Variants in RBFOX1 observed in about 807,000 individuals in gnomAD.
RBFOX1 encodes RNA binding protein fox-1 homolog 1.
A neutral mutation model predicts 57.7 loss-of-function variants in RBFOX1; 8 were observed. The ratio of observed to expected loss-of-function variants is 0.14; its 90% CI spans 0.08 to 0.25. The LOEUF is 0.25. RBFOX1 is among the 10% of genes least tolerant of loss of function. RBFOX1 has a pLI of 1.00. For missense variants in RBFOX1, 611 were observed against 548.5 expected, an observed-to-expected ratio of 1.11 and a Z score of -1.14; for synonymous variants, 326 against 222.4, an observed-to-expected ratio of 1.47 and a Z score of -4.15.
chr16:6,705,993 G>C (rs928346120), intron 3 of RBFOX1, among the ~76,000 whole-genome samples: 1 of 152,148 alleles, frequency 6.6e-6, no homozygotes, highest in Admixed American at 6.6e-5. Flanking sequence ...ACTCCAGCCT[G>C]GGTGAAAGAG....
In RBFOX1 at chr16:6,483,711, G is replaced by C. The variant is rs1316834337; in HGVS notation, c.-64+166654G>C. ...GGACGGGGGCGGGCGACAGGGGGAG[G>C]AGTGTGCAAATTGACATTTTTGGCT... On this transcript the variant is annotated intron_variant, in intron 2 of 15. Transcript: ENST00000550418. 1.1e-5 allele frequency: 15 copies of C among 1,427,632 alleles called. No individual in the cohort carries two copies. In the South Asian group the frequency reaches 1.9e-4, roughly 18 times the overall value. 88.4% of individuals were successfully genotyped at this position (1,427,632 alleles called of 1,614,324 possible). A position where few individuals can be genotyped will look rare whatever the true frequency, so the allele number is the denominator to read the frequency against.
chr16:6,293,458 TGA>T lies in RBFOX1; in HGVS notation c.-126-23536_-126-23535del, dbSNP rs1303261655. 7.8e-4 allele frequency among the ~76,000 whole-genome samples: 6 copies of T among 7,656 alleles called. No individual in the cohort carries two copies. The East Asian group carries it at 0.31, about 399-fold the overall frequency. The allele number at this position is 7,656 out of a possible 152,430, so 5.0% of individuals were successfully genotyped here. On this transcript the variant is annotated intron_variant, in intron 1 of 15. Coordinates refer to ENST00000550418, the MANE Select transcript of RBFOX1 (RefSeq NM_018723.4). ...TGTTTTGAATATTTGTTATTCATTA[TGA>T]TGAGATGAATGCATAGCCTGTCTGC...
intron 1 of RBFOX1, among the ~76,000 whole-genome samples, chr16:6,063,202 G>T (rs1341229536): frequency 2.0e-5 from 3 of 151,936 alleles, no homozygotes; most frequent in Non-Finnish European, 4.4e-5. Context: ...TGATCACTTT[G>T]GAGCAGCAAG....
intron 2 of RBFOX1, among the ~76,000 whole-genome samples, chr16:6,467,933 T>G (rs1409124252): frequency 6.6e-6 from 1 of 152,238 alleles, no homozygotes; most frequent in Non-Finnish European, 1.5e-5. Context: ...AAAGGGTTAA[T>G]GGGAAAATCC....
At chr16:6,835,649 G>C (rs1411137289) in intron 3 of RBFOX1, among the ~76,000 whole-genome samples, 3 of 150,108 alleles carry the variant, frequency 2.0e-5, no homozygotes, top group Admixed American at 6.7e-5. Context: ...GCTACTGGGA[G>C]AGGCTGAGGC....
At chr16:6,405,366 C>T (rs1302775999) in intron 2 of RBFOX1, among the ~76,000 whole-genome samples, 1 of 152,134 alleles carries the variant, frequency 6.6e-6, no homozygotes, top group Admixed American at 6.5e-5. Context: ...CTTCATAAAA[C>T]AAAGCTTTCA....
At chr16:5,660,670 A>G (rs988686529) in intron 3 of RBFOX1, among the ~76,000 whole-genome samples, 1 of 152,012 alleles carries the variant, frequency 6.6e-6, no homozygotes, top group Non-Finnish European at 1.5e-5. Context: ...TATTTTCCAT[A>G]GAGATAAAGT....
chr16:5,897,929 C>T (rs1290352750), intron 4 of RBFOX1, among the ~76,000 whole-genome samples: 4 of 150,370 alleles, frequency 2.7e-5, no homozygotes, highest in African/African-American at 4.9e-5. Flanking sequence ...CCCTGGAAAA[C>T]CAAGAGTTTA....
chr16:6,066,948 G>C (rs972371927), intron 1 of RBFOX1, among the ~76,000 whole-genome samples: 1 of 152,050 alleles, frequency 6.6e-6, no homozygotes, highest in Non-Finnish European at 1.5e-5. Context: ...CTCAGCCTTG[G>C]TCTCCCAGAG....
intron 4 of RBFOX1, among the ~76,000 whole-genome samples, chr16:7,127,426 A>G (rs538662471): frequency 3.8e-4 from 58 of 152,198 alleles, no homozygotes; most frequent in Non-Finnish European, 7.9e-4. Flanking sequence ...TATTATCCCC[A>G]TCTTATATAT....
chr16:6,294,620 T>C (rs1018667798), intron 1 of RBFOX1, among the ~76,000 whole-genome samples: 3 of 152,206 alleles, frequency 2.0e-5, no homozygotes, highest in African/African-American at 7.2e-5. Flanking sequence ...CTGAGCCCTC[T>C]GTGAGATCCT....
At chr16:7,706,759 G>A (rs971357843) in intron 14 of RBFOX1, among the ~76,000 whole-genome samples, 7 of 151,966 alleles carry the variant, frequency 4.6e-5, no homozygotes, top group African/African-American at 9.7e-5. Context: ...ATTTTTCTCT[G>A]GACCAATCAA....
intron 3 of RBFOX1, among the ~76,000 whole-genome samples, chr16:6,811,052 C>T (rs34906775): frequency 0.031 from 4,723 of 152,190 alleles, 148 homozygotes; most frequent in South Asian, 0.15. Flanking sequence ...TGATAAGATA[C>T]CCCGAAAAAC....
At chr16:7,461,295 G>C (rs1442531826) in intron 4 of RBFOX1, among the ~76,000 whole-genome samples, 1 of 151,904 alleles carries the variant, frequency 6.6e-6, no homozygotes, top group Non-Finnish European at 1.5e-5. Context: ...AGCCTCCCAA[G>C]TAGCTGGGAT....
At position 6,743,184 on chromosome 16, in the gene RBFOX1, G is replaced by C. The variant is rs143236169; in HGVS notation, c.-16+88534G>C. On this transcript the variant is annotated intron_variant, in intron 3 of 15. Coordinates refer to ENST00000550418, the MANE Select transcript of RBFOX1 (RefSeq NM_018723.4). ...GTTCCCACTAAAAAGATGAAATGTA[G>C]AGTTATAGCTAATAAGCCAGCAAAG... Among the ~76,000 whole-genome samples, 185 of 152,042 alleles carry C rather than the reference G, an allele frequency of 1.2e-3. 2 individuals carry two copies. The East Asian group carries it at 0.017, about 14-fold the overall frequency.
Position 7,498,416 on chromosome 16 carries a change from A to G in RBFOX1, c.28-19731A>G, listed in dbSNP as rs148543624. Among the ~76,000 whole-genome samples the G allele has an allele frequency of 2.7e-4, 41 of 151,686 alleles. No homozygotes were observed. The East Asian group carries it at 5.8e-3, about 21-fold the overall frequency. Reference sequence around the variant, plus strand: ...AGCATTGTCCAACAGAAATATAACCATGGTCACAAATATGAATCACATATG... The same window carrying G: ...AGCATTGTCCAACAGAAATATAACCGTGGTCACAAATATGAATCACATATG... On this transcript the variant is annotated intron_variant, in intron 4 of 15. Coordinates refer to ENST00000550418, the MANE Select transcript of RBFOX1 (RefSeq NM_018723.4).
intron 4 of RBFOX1, among the ~76,000 whole-genome samples, chr16:7,403,681 G>C (rs1194827481): frequency 1.3e-5 from 2 of 150,518 alleles, no homozygotes; most frequent in African/African-American, 2.4e-5. Context: ...TGAATAGCTG[G>C]GATTACAGGC....
At chr16:5,951,274 C>T (rs1000514747) in intron 4 of RBFOX1, among the ~76,000 whole-genome samples, 2 of 152,000 alleles carry the variant, frequency 1.3e-5, no homozygotes, top group Non-Finnish European at 1.5e-5. Flanking sequence ...ATGATGAAAC[C>T]CTGTCTTTAC....
intron 1 of RBFOX1, among the ~76,000 whole-genome samples, chr16:6,069,474 T>A (rs537173478): frequency 1.3e-5 from 2 of 151,582 alleles, no homozygotes; most frequent in African/African-American, 2.4e-5. Flanking sequence ...TGAAGAAAGC[T>A]GAGTCCTGCC....
Sources: gnomAD v4.1 joint callset for allele counts (sites outside exome capture counted in the v4.1 genomes callset) on GRCh38, gnomAD v4.1.1 for gene constraint, MANE v1.5 for transcripts, NCBI Gene and HGNC (gene_info 2026-07-23, HGNC 2026-07-21) for gene names.